The following LURAP1L variants were observed in gnomAD, a reference collection of about 807,000 sequenced individuals.
The protein encoded by LURAP1L is leucine rich adaptor protein 1 like, also known as leucine rich adaptor protein 1-like.
In LURAP1L, 12 loss-of-function variants were observed where a neutral mutation model predicts 13.8. The observed-to-expected ratio is 0.87, with a 90% CI of 0.56 to 1.41. The LOEUF is 1.41. LURAP1L is among the 40% of genes most tolerant of loss of function. The pLI is 0.00. For missense variants in LURAP1L, 375 were observed against 292.9 expected (o/e 1.28, Z -2.04); for synonymous variants, 139 against 119.2 (o/e 1.17, Z -1.08).
At chr9:12,795,422 GTTTC>G (rs534426401) in intron 1 of LURAP1L, among the ~76,000 whole-genome samples, 23 of 151,934 alleles carry the variant, frequency 1.5e-4, no homozygotes, top group Admixed American at 3.3e-4. Flanking sequence ...TTATCTAGAA[GTTTC>G]TTTCTTCAAG....
chr9:12,800,979 T>C (rs904867420), intron 1 of LURAP1L, among the ~76,000 whole-genome samples: 2 of 152,212 alleles, frequency 1.3e-5, no homozygotes, highest in Non-Finnish European at 2.9e-5. Flanking sequence ...TGTCACAGCA[T>C]TTCTCAGGGT....
intron 1 of LURAP1L, among the ~76,000 whole-genome samples, chr9:12,813,260 A>G (rs1819762224): frequency 6.6e-6 from 1 of 152,078 alleles, no homozygotes; most frequent in Admixed American, 6.5e-5. Flanking sequence ...ATATAAACCT[A>G]CTAGTTAAGT....
chr9:12,796,652 CTTGAT>C (rs1456605225), intron 1 of LURAP1L, among the ~76,000 whole-genome samples: 1 of 151,746 alleles, frequency 6.6e-6, no homozygotes, highest in East Asian at 1.9e-4. Context: ...TTTTGCAATT[CTTGAT>C]TTATTTTTCT....
intron 1 of LURAP1L, among the ~76,000 whole-genome samples, chr9:12,786,867 G>A (rs1819363302): frequency 2.0e-5 from 3 of 151,858 alleles, no homozygotes; most frequent in Admixed American, 2.0e-4. Context: ...GGAAGGCATA[G>A]AATCAGGGCA....
chr9:12,814,655 C>T (rs566831877), intron 1 of LURAP1L, among the ~76,000 whole-genome samples: 1 of 152,290 alleles, frequency 6.6e-6, no homozygotes, highest in East Asian at 1.9e-4. Context: ...GGAATTTATG[C>T]TTATGATTCA....
intron 1 of LURAP1L, among the ~76,000 whole-genome samples, chr9:12,791,091 G>A (rs1819434709): frequency 6.6e-6 from 1 of 152,064 alleles, no homozygotes; most frequent in South Asian, 2.1e-4. Flanking sequence ...TGTCCCTGAG[G>A]TGTCTGAAGC....
chr9:12,807,230 C>T (rs1819672849), intron 1 of LURAP1L, among the ~76,000 whole-genome samples: 2 of 151,276 alleles, frequency 1.3e-5, no homozygotes, highest in Non-Finnish European at 2.9e-5. Context: ...CGTGCCACTG[C>T]ACTCCAGCCT....
intron 1 of LURAP1L, among the ~76,000 whole-genome samples, chr9:12,818,256 T>G (rs1190873012): frequency 6.6e-6 from 1 of 152,172 alleles, no homozygotes; most frequent in African/African-American, 2.4e-5. Flanking sequence ...AAACTTGTAC[T>G]TGATGCAGCC....
intron 1 of LURAP1L, 142 bp downstream of exon 1, chr9:12,776,169 T>A (rs1211903465): frequency 1.2e-6 from 1 of 850,140 alleles, no homozygotes; most frequent in Non-Finnish European, 1.8e-6. Context: ...GGTGGAGGAA[T>A]GAGCAGGGGG....
intron 1 of LURAP1L, among the ~76,000 whole-genome samples, chr9:12,786,332 A>C (rs1819350075): frequency 6.6e-6 from 1 of 151,596 alleles, no homozygotes; most frequent in African/African-American, 2.4e-5. Flanking sequence ...GATTATTCAA[A>C]CACTTAATAG....
intron 1 of LURAP1L, among the ~76,000 whole-genome samples, chr9:12,808,405 C>T (rs150090507): frequency 1.3e-5 from 2 of 152,182 alleles, no homozygotes; most frequent in African/African-American, 4.8e-5. Context: ...GCATTAAGTA[C>T]ATTCACATTG....
In LURAP1L at chr9:12,822,880, A is replaced by T. The variant is rs2118562974; in HGVS notation, c.*1120A>T. 6.6e-6 allele frequency among the ~76,000 whole-genome samples: 1 copy of T among 152,304 alleles called. No homozygotes were observed. Among genetic ancestry groups the T allele is most frequent in the South Asian group, 2.1e-4 (1 of 4,828 alleles). ...AGATTTCATGCTGTTCTTTGTAATGATAAATGTTTCCGGACTAAACACTCT... is the reference window on the plus strand; with the variant it reads ...AGATTTCATGCTGTTCTTTGTAATGTTAAATGTTTCCGGACTAAACACTCT... On this transcript the variant is annotated 3_prime_UTR_variant, in exon 2 of 2. Coordinates refer to ENST00000319264, the MANE Select transcript of LURAP1L (RefSeq NM_203403.2).
intron 1 of LURAP1L, among the ~76,000 whole-genome samples, chr9:12,820,060 G>C: frequency 6.6e-6 from 1 of 152,294 alleles, no homozygotes; most frequent in East Asian, 1.9e-4. Context: ...TGTTCCAACA[G>C]AACAATCATG....
chr9:12,778,675 C>T (rs1206228719), intron 1 of LURAP1L, among the ~76,000 whole-genome samples: 3 of 152,302 alleles, frequency 2.0e-5, no homozygotes, highest in Non-Finnish European at 4.4e-5. Flanking sequence ...AACAAACTAA[C>T]GCACAAAATA....
intron 1 of LURAP1L, among the ~76,000 whole-genome samples, chr9:12,790,297 A>G (rs1349424302): frequency 6.6e-6 from 1 of 152,168 alleles, no homozygotes; most frequent in Non-Finnish European, 1.5e-5. Context: ...ACCTTAGGAC[A>G]GAGCTGTGAC....
intron 1 of LURAP1L, among the ~76,000 whole-genome samples, chr9:12,811,974 C>T (rs913639343): frequency 1.3e-5 from 2 of 152,178 alleles, no homozygotes; most frequent in Non-Finnish European, 2.9e-5. Context: ...GGTCTATGTC[C>T]TTGCTAGCTG....
Position 12,822,152 on chromosome 9 carries a change from A to C in LURAP1L, c.*392A>C, listed in dbSNP as rs79892070. 0.025 allele frequency: 4,323 copies of C among 170,338 alleles called. 86 individuals are homozygous for C. The highest frequency in any genetic ancestry group is 0.041 in the Middle Eastern group (14 of 342). 10.6% of individuals were successfully genotyped at this position (170,338 alleles called of 1,614,324 possible). ...GTTAATGTTGCTGCTTGCGTCCTTAAATGACTTAAGGTTTCATCTTCCAGA... is the reference window on the plus strand; with the variant it reads ...GTTAATGTTGCTGCTTGCGTCCTTACATGACTTAAGGTTTCATCTTCCAGA... On this transcript the variant is annotated 3_prime_UTR_variant, in exon 2 of 2. Coordinates refer to ENST00000319264, the MANE Select transcript of LURAP1L (RefSeq NM_203403.2).
chr9:12,780,384 T>A (rs201431590), intron 1 of LURAP1L, among the ~76,000 whole-genome samples: 1 of 147,546 alleles, frequency 6.8e-6, no homozygotes, highest in East Asian at 2.0e-4. Context: ...AAAAACAAGG[T>A]TATATTTCAA....
Position 12,821,461 on chromosome 9 carries a change from T to G in LURAP1L, c.388T>G (p.Trp130Gly). ...CAATGAGAGCATCGAGTCCATCAAG[T>G]GGATGATCGAAGAAAAAGCCACCAT... Reference protein sequence around the residue: ...VINESIESIKWMIEEKATITS... With the variant: ...VINESIESIKGMIEEKATITS... Residue 130 changes from tryptophan (W) to glycine (G), a missense_variant, in exon 2 of 2, where the codon TGG becomes GGG. Trp to Gly is a radical substitution (Grantham distance 184). Transcript: ENST00000319264. 6.2e-7 allele frequency: 1 copy of G among 1,614,018 alleles called. No homozygotes were observed. Among genetic ancestry groups the G allele is most frequent in the Non-Finnish European group, 8.5e-7 (1 of 1,180,012 alleles).
Sources: allele counts gnomAD v4.1 joint callset (sites outside exome capture counted in the v4.1 genomes callset), GRCh38; gene constraint gnomAD v4.1.1; transcripts MANE v1.5; gene names NCBI Gene and HGNC (gene_info 2026-07-23, HGNC 2026-07-21).